NXPE2: variants seen among roughly 807,000 people sequenced by gnomAD.
The protein encoded by NXPE2 is neurexophilin and PC-esterase domain family member 2.
In NXPE2, 34 loss-of-function variants were observed where a neutral mutation model predicts 34.4. The observed-to-expected ratio is 0.99, with a 90% CI of 0.75 to 1.31. NXPE2 has a LOEUF of 1.31. Ranked by LOEUF, NXPE2 falls within the 40% of genes most tolerant of loss-of-function variation. The pLI is 0.00. For missense variants in NXPE2, 649 were observed against 672.5 expected (o/e 0.97, Z 0.39); for synonymous variants, 235 against 231.3 (o/e 1.02, Z -0.15).
the NXPE2 span, among the ~76,000 whole-genome samples, chr11:114,664,420 A>G: frequency 1.3e-5 from 2 of 152,126 alleles, no homozygotes; most frequent in Non-Finnish European, 2.9e-5. Flanking sequence ...GGTGGTAGTT[A>G]CATTATCGTC....
At chr11:114,490,295 G>A in the NXPE2 span, among the ~76,000 whole-genome samples, 15 of 152,144 alleles carry the variant, frequency 9.9e-5, no homozygotes, top group African/African-American at 2.9e-4. Context: ...GATGATTTAT[G>A]GATTCATTGG....
chr11:114,622,057 C>G, the NXPE2 span, among the ~76,000 whole-genome samples: 1 of 151,996 alleles, frequency 6.6e-6, no homozygotes, highest in East Asian at 1.9e-4. Context: ...AGTATTCCTT[C>G]ATGGGTAACC....
chr11:114,520,125 A>G, the NXPE2 span, among the ~76,000 whole-genome samples: 60 of 152,264 alleles, frequency 3.9e-4, 1 homozygote, highest in East Asian at 0.011. Context: ...TAATTGAGGT[A>G]GAATACCTAA....
chr11:114,696,688 A>G (rs986190854), intron 2 of NXPE2, among the ~76,000 whole-genome samples: 1 of 152,230 alleles, frequency 6.6e-6, no homozygotes, highest in Non-Finnish European at 1.5e-5. Context: ...TCAGAATCAT[A>G]GTCAACAACA....
At chr11:114,630,968 A>T in the NXPE2 span, among the ~76,000 whole-genome samples, 2 of 151,010 alleles carry the variant, frequency 1.3e-5, no homozygotes, top group Non-Finnish European at 3.0e-5. Flanking sequence ...TCAAAACCAC[A>T]ATGAGATACC....
the NXPE2 span, among the ~76,000 whole-genome samples, chr11:114,754,282 C>G: frequency 1.3e-5 from 2 of 152,022 alleles, no homozygotes; most frequent in African/African-American, 4.8e-5. Flanking sequence ...TCAAACTGCC[C>G]CCAAGGTCCC....
At chr11:114,799,269 G>T in the NXPE2 span, among the ~76,000 whole-genome samples, 7 of 134,684 alleles carry the variant, frequency 5.2e-5, no homozygotes, top group East Asian at 1.5e-3. Flanking sequence ...CCTACAAATG[G>T]AGAAGATGAG....
chr11:114,661,170 T>C, the NXPE2 span, among the ~76,000 whole-genome samples: 1 of 152,206 alleles, frequency 6.6e-6, no homozygotes. Flanking sequence ...AGGATATTAG[T>C]TCTCCCAAAA....
At chr11:114,516,256 T>A in the NXPE2 span, among the ~76,000 whole-genome samples, 56 of 152,254 alleles carry the variant, frequency 3.7e-4, no homozygotes, top group African/African-American at 1.3e-3. Flanking sequence ...CTGGACCAGA[T>A]CTGTCTTATA....
At chr11:114,673,896 A>G (rs1950827046), upstream of NXPE2, among the ~76,000 whole-genome samples, 1 of 151,780 alleles carries the variant, frequency 6.6e-6, no homozygotes, top group Non-Finnish European at 1.5e-5. Context: ...CAGGATACAC[A>G]TCTCTCCTAC....
the NXPE2 span, among the ~76,000 whole-genome samples, chr11:114,597,501 G>T: frequency 6.6e-6 from 1 of 152,162 alleles, no homozygotes; most frequent in Admixed American, 6.5e-5. Context: ...TCAGTTTTTT[G>T]ATGGATAAAT....
At chr11:114,766,983 G>GAA in the NXPE2 span, among the ~76,000 whole-genome samples, 22 of 148,734 alleles carry the variant, frequency 1.5e-4, no homozygotes, top group African/African-American at 3.7e-4. Flanking sequence ...TGAAATTTCT[G>GAA]AAAAAAAAAA....
chr11:114,681,444 T>C (rs139025191), intron 2 of NXPE2, among the ~76,000 whole-genome samples: 2 of 152,212 alleles, frequency 1.3e-5, no homozygotes, highest in South Asian at 2.1e-4. Flanking sequence ...CAGTGTTTTA[T>C]TGGACTCATT....
chr11:114,534,655 C>T, the NXPE2 span, among the ~76,000 whole-genome samples: 41 of 152,154 alleles, frequency 2.7e-4, no homozygotes, highest in African/African-American at 4.6e-4. Flanking sequence ...CTTCAGTAAC[C>T]GATGTGATCA....
At chr11:114,802,610 G>T in the NXPE2 span, among the ~76,000 whole-genome samples, 2 of 152,176 alleles carry the variant, frequency 1.3e-5, no homozygotes, top group African/African-American at 2.4e-5. Flanking sequence ...GAGCTAGACA[G>T]TCTTTTATTT....
the NXPE2 span, among the ~76,000 whole-genome samples, chr11:114,752,594 G>T: frequency 2.0e-5 from 3 of 152,062 alleles, no homozygotes; most frequent in Non-Finnish European, 4.4e-5. Flanking sequence ...GGGCAGTCAG[G>T]TTCAGGATCT....
the NXPE2 span, among the ~76,000 whole-genome samples, chr11:114,614,215 A>G: frequency 6.6e-6 from 1 of 151,858 alleles, no homozygotes. Flanking sequence ...TTAATGGATA[A>G]TAAGTGTTGC....
the NXPE2 span, among the ~76,000 whole-genome samples, chr11:114,495,947 C>T: frequency 2.0e-5 from 3 of 152,184 alleles, no homozygotes; most frequent in East Asian, 5.8e-4. Flanking sequence ...TAAGTCTCTC[C>T]TGGAGCTGCA....
the NXPE2 span, among the ~76,000 whole-genome samples, chr11:114,579,606 A>G: frequency 1.3e-5 from 2 of 152,218 alleles, no homozygotes; most frequent in Non-Finnish European, 2.9e-5. Flanking sequence ...AAGAGAAGTT[A>G]TGTAAGAAAC....
Sources: gnomAD v4.1 joint callset for allele counts (sites outside exome capture counted in the v4.1 genomes callset) on GRCh38, gnomAD v4.1.1 for gene constraint, MANE v1.5 for transcripts, NCBI Gene and HGNC (gene_info 2026-07-23, HGNC 2026-07-21) for gene names.